The following COL12A1 variants were observed in gnomAD, a reference collection of about 807,000 sequenced individuals.
COL12A1 encodes collagen type XII alpha 1 chain, also known as collagen alpha-1(XII) chain.
Under a neutral mutation model 349.7 loss-of-function variants are expected in COL12A1, and 114 were observed. That is an observed-to-expected ratio of 0.33 (90% CI 0.28 to 0.38). The LOEUF (loss-of-function observed/expected upper bound fraction) is 0.38. Among genes scored for constraint, COL12A1 ranks in the 10% least tolerant of loss-of-function variants. The pLI, the probability that COL12A1 is intolerant of heterozygous loss-of-function variation, is 1.00. For missense variants in COL12A1, 3,284 were observed against 3,756.9 expected, an observed-to-expected ratio of 0.87 and a Z score of 3.29; for synonymous variants, 1,369 against 1,329.0, an observed-to-expected ratio of 1.03 and a Z score of -0.66.
At chr6:75,124,632 G>C (rs1354798817) in intron 40 of COL12A1, among the ~76,000 whole-genome samples, 3 of 152,094 alleles carry the variant, frequency 2.0e-5, no homozygotes, top group South Asian at 2.1e-4. Context: ...AACATCTCAT[G>C]GAAAATAATG....
intron 1 of COL12A1, among the ~76,000 whole-genome samples, chr6:75,204,150 C>T (rs901376563): frequency 1.3e-5 from 2 of 152,174 alleles, no homozygotes; most frequent in Non-Finnish European, 2.9e-5. Context: ...AGGGGTCTAG[C>T]AATTTCTTTC....
At chr6:75,150,219 AT>A (rs1009540496) in intron 21 of COL12A1, among the ~76,000 whole-genome samples, 4 of 152,144 alleles carry the variant, frequency 2.6e-5, no homozygotes, top group African/African-American at 9.7e-5. Flanking sequence ...AAGAGCCATA[AT>A]TTTTATCATT....
intron 2 of COL12A1, among the ~76,000 whole-genome samples, chr6:75,197,041 C>G (rs544654028): frequency 2.0e-5 from 3 of 151,974 alleles, no homozygotes; most frequent in Non-Finnish European, 4.4e-5. Flanking sequence ...ACAGAGAGCC[C>G]GCTTCACTTT....
At chr6:75,174,593 G>A (rs978280012) in intron 13 of COL12A1, among the ~76,000 whole-genome samples, 1 of 152,148 alleles carries the variant, frequency 6.6e-6, no homozygotes, top group Non-Finnish European at 1.5e-5. Context: ...TATTTCTTGA[G>A]CTTTTATGCA....
chr6:75,193,306 C>T (rs1237334271), intron 3 of COL12A1, among the ~76,000 whole-genome samples: 1 of 152,062 alleles, frequency 6.6e-6, no homozygotes, highest in East Asian at 1.9e-4. Flanking sequence ...AATATGTTAA[C>T]TGCAAATATA....
At position 75,205,935 on chromosome 6, in the gene COL12A1, CAGG is replaced by C. The variant is rs569523830; in HGVS notation, c.-197_-195del. On this transcript the variant is annotated 5_prime_UTR_variant, in exon 1 of 66. Coordinates refer to ENST00000322507, the MANE Select transcript of COL12A1 (RefSeq NM_004370.6). ...AGGCGTGGGCAGCTGCGGGGAAGTC[CAGG>C]AGGAGGAGGAGAATCCCAGGAGGAG... 1.2e-3 allele frequency: 191 copies of C among 153,502 alleles called. 1 individual carries two copies. Among genetic ancestry groups the C allele is most frequent in the African/African-American group, 4.3e-3 (177 of 41,590 alleles). 9.5% of individuals were successfully genotyped at this position (153,502 alleles called of 1,614,324 possible).
intron 7 of COL12A1, 69 bp from the exon 8 acceptor site, chr6:75,188,604 T>C: frequency 6.6e-7 from 1 of 1,515,020 alleles, no homozygotes; most frequent in African/African-American, 1.4e-5. Flanking sequence ...AAGTTCTTCG[T>C]TTTCTCCATC....
intron 38 of COL12A1, among the ~76,000 whole-genome samples, chr6:75,127,736 GA>G (rs1335102809): frequency 2.6e-5 from 4 of 152,108 alleles, no homozygotes; most frequent in Non-Finnish European, 5.9e-5. Context: ...CCACATTAGA[GA>G]ATTTTTAAAC....
At chr6:75,165,472 G>T (rs774968316) in intron 14 of COL12A1, 35 bp downstream of exon 14, 3 of 1,600,732 alleles carry the variant, frequency 1.9e-6, no homozygotes, top group Non-Finnish European at 2.6e-6. Context: ...GGGTAGCACC[G>T]GCACACACCC....
intron 47 of COL12A1, among the ~76,000 whole-genome samples, chr6:75,116,861 G>A (rs1487739793): frequency 6.6e-6 from 1 of 152,008 alleles, no homozygotes; most frequent in Admixed American, 6.6e-5. Flanking sequence ...TTAATGGATG[G>A]TGATAAGAAT....
chr6:75,124,306 A>C lies in COL12A1; in HGVS notation c.6673T>G (p.Ser2225Ala), dbSNP rs1488309036. 1.2e-6 allele frequency: 2 copies of C among 1,613,704 alleles called. No individual in the cohort carries two copies. The highest frequency in any genetic ancestry group is 2.2e-5 in the South Asian group (2 of 91,056). ...IGWDTFCVKW[S>A]PHRAATSYRL... ...TAGGAGGTGGCTGCCCGGTGAGGTG[A>C]CCATTTGACACAGAATGTATCCCAC... The change falls in exon 41 of 66, where the codon TCA (serine) becomes GCA (alanine). Residue 2225 changes from serine to alanine, a missense_variant. Transcript: ENST00000322507.
At chr6:75,171,831 C>T (rs1768651177) in intron 13 of COL12A1, among the ~76,000 whole-genome samples, 1 of 152,186 alleles carries the variant, frequency 6.6e-6, no homozygotes, top group Admixed American at 6.5e-5. Flanking sequence ...TTCATTTAGT[C>T]ACAACTATGC....
intron 3 of COL12A1, 84 bp from the exon 4 acceptor site, chr6:75,192,439 C>A: frequency 7.9e-7 from 1 of 1,261,796 alleles, no homozygotes; most frequent in Non-Finnish European, 1.1e-6. Context: ...CAGAGGTACT[C>A]AAAATCTGAA....
At chr6:75,201,038 G>C (rs749134379) in intron 2 of COL12A1, among the ~76,000 whole-genome samples, 7 of 152,022 alleles carry the variant, frequency 4.6e-5, no homozygotes, top group Non-Finnish European at 8.8e-5. Context: ...ATAGTAAGCT[G>C]TTCTTTCTAA....
intron 59 of COL12A1, among the ~76,000 whole-genome samples, chr6:75,095,443 C>T (rs1003560542): frequency 6.6e-6 from 1 of 151,334 alleles, no homozygotes; most frequent in Non-Finnish European, 1.5e-5. Context: ...AGGTGAAACC[C>T]CGTCTCTACT....
intron 40 of COL12A1, among the ~76,000 whole-genome samples, chr6:75,124,815 AAGT>A (rs1294621190): frequency 6.6e-6 from 1 of 152,180 alleles, no homozygotes; most frequent in Non-Finnish European, 1.5e-5. Context: ...AAGAAGAACT[AAGT>A]AGCATCACAG....
intron 58 of COL12A1, among the ~76,000 whole-genome samples, chr6:75,101,115 T>C (rs1468393974): frequency 6.6e-6 from 1 of 152,180 alleles, no homozygotes; most frequent in East Asian, 1.9e-4. Flanking sequence ...AATTCCCTAC[T>C]AAATACCAGC....
At chr6:75,198,749 G>A (rs1442644701) in intron 2 of COL12A1, among the ~76,000 whole-genome samples, 2 of 152,242 alleles carry the variant, frequency 1.3e-5, no homozygotes, top group Non-Finnish European at 2.9e-5. Context: ...GGATGAGAGG[G>A]AGTAGAGGAG....
chr6:75,187,290 G>A (rs1266383489), intron 8 of COL12A1, among the ~76,000 whole-genome samples: 1 of 151,618 alleles, frequency 6.6e-6, no homozygotes, highest in African/African-American at 2.4e-5. Flanking sequence ...CAGCAGAAGA[G>A]AGAAGCCTTA....
Sources: gnomAD v4.1 joint callset for allele counts (sites outside exome capture counted in the v4.1 genomes callset) on GRCh38, gnomAD v4.1.1 for gene constraint, MANE v1.5 for transcripts, NCBI Gene and HGNC (gene_info 2026-07-23, HGNC 2026-07-21) for gene names.